TNFRSF4: variants seen among roughly 807,000 people sequenced by gnomAD.
The protein encoded by TNFRSF4 is TNF receptor superfamily member 4.
TNFRSF4 carries 21 observed loss-of-function variants against 29.5 expected under a neutral mutation model. The ratio of observed to expected loss-of-function variants is 0.71; its 90% CI spans 0.51 to 1.03. The LOEUF is 1.03. TNFRSF4 is among the 50% of genes least tolerant of loss of function. TNFRSF4 has a pLI of 0.00. For synonymous variants in TNFRSF4, 197 were observed against 172.7 expected, an observed-to-expected ratio of 1.14 and a Z score of -1.10; for missense variants, 408 against 387.8, an observed-to-expected ratio of 1.05 and a Z score of -0.44.
rs773180013 is a variant in TNFRSF4 at position 1,211,963 on chromosome 1, G to C, written c.613C>G (p.Arg205Gly). 1.3e-6 allele frequency: 2 copies of C among 1,585,376 alleles called. No individual in the cohort carries two copies. The highest frequency in any genetic ancestry group is 1.7e-6 in the Non-Finnish European group (2 of 1,167,102). The change falls in exon 5 of 7, where the codon CGG becomes GGG. Residue 205 changes from arginine to glycine, a missense_variant. Physicochemically the swap from Arg to Gly is moderately radical, Grantham distance 125. Transcript: ENST00000379236. ...WPRTSQGPST[R>G]PVEVPGGRAV... is the part of the protein sequence containing the mutation. Reference sequence around the variant, plus strand: ...TTACCCCCGGGGACCTCCACGGGCCGGGTGGAGGGTCCCTGTGAGGTTCTG... The same window carrying C: ...TTACCCCCGGGGACCTCCACGGGCCCGGTGGAGGGTCCCTGTGAGGTTCTG...
At position 1,212,590 on chromosome 1, in the gene TNFRSF4, ACCCCAACCCCC is replaced by A. The variant is rs772466274; in HGVS notation, c.437+37_437+47del. On this transcript the variant is annotated intron_variant, in intron 4 of 6. Transcript: ENST00000379236. ...CCCCAGCTCCTCCGCCCTCCTAACC[ACCCCAACCCCC>A]CCCCAGCCCCTCCCAGCCCCTGGCC... is the stretch of plus-strand genomic sequence containing the variant. 85 of 678,992 alleles carry A rather than the reference ACCCCAACCCCC, an allele frequency of 1.3e-4. No homozygotes were observed. The South Asian group carries it at 2.0e-3, about 16-fold the overall frequency. The allele number at this position is 678,992 out of a possible 1,614,324, so 42.1% of individuals were successfully genotyped here.
chr1:1,213,520 G>A (rs1399464878), intron 2 of TNFRSF4, 143 bp downstream of exon 2: 1 of 1,463,754 alleles, frequency 6.8e-7, no homozygotes, highest in East Asian at 2.5e-5. Flanking sequence ...CTCCTCGAAG[G>A]ACCCCTGTGG....
Position 1,213,728 on chromosome 1 carries a change from C to G in TNFRSF4, c.203G>C (p.Gly68Ala). The change falls in exon 2 of 7, where the codon GGG becomes GCG. Residue 68 changes from glycine to alanine, a missense_variant. Physicochemically the swap from Gly to Ala is moderately conservative, Grantham distance 60. Coordinates refer to ENST00000379236, the MANE Select transcript of TNFRSF4 (RefSeq NM_003327.4). ...RSQNTVCRPC[G>A]PGFYNDVVSS... Reference sequence around the variant, plus strand: ...GACCACGTCGTTGTAGAAGCCCGGCCCGCACGGACGGCACACCGTGTTCTG... The same window carrying G: ...GACCACGTCGTTGTAGAAGCCCGGCGCGCACGGACGGCACACCGTGTTCTG... The G allele has an allele frequency of 6.2e-7, 1 of 1,601,918 alleles. No individual in the cohort carries two copies. Among genetic ancestry groups the G allele is most frequent in the African/African-American group, 1.3e-5 (1 of 74,894 alleles).
chr1:1,213,306 C>T, intron 2 of TNFRSF4: 1 of 1,524,920 alleles, frequency 6.6e-7, no homozygotes. Flanking sequence ...TCCGTGGCAG[C>T]CCCAGCCACC....
intron 2 of TNFRSF4, 132 bp from the exon 3 acceptor site, chr1:1,213,225 C>T (rs1188772654): frequency 5.2e-6 from 8 of 1,534,828 alleles, no homozygotes; most frequent in Non-Finnish European, 4.4e-6. Flanking sequence ...GCGGCCTCCC[C>T]TGAGACTTGG....
intron 2 of TNFRSF4, 179 bp downstream of exon 2, chr1:1,213,483 AG>A: frequency 6.8e-7 from 1 of 1,474,076 alleles, no homozygotes. Context: ...CCGGAGGGAG[AG>A]GGGGTGCCCC....
At chr1:1,213,307 C>T in intron 2 of TNFRSF4, 1 of 1,525,650 alleles carries the variant, frequency 6.6e-7, no homozygotes, top group Non-Finnish European at 8.8e-7. Flanking sequence ...CCGTGGCAGC[C>T]CCAGCCACCC....
intron 2 of TNFRSF4, chr1:1,213,374 G>A: frequency 6.5e-7 from 1 of 1,531,346 alleles, no homozygotes; most frequent in Non-Finnish European, 8.7e-7. Flanking sequence ...GGGTCTCCAT[G>A]GCCCAACCCC....
rs769195529 is a variant in TNFRSF4, at chr1:1,213,054, T to C, written c.308A>G (p.Gln103Arg). The change falls in exon 3 of 7, where the codon CAG (glutamine) becomes CGG (arginine). Residue 103 changes from glutamine (Q) to arginine (R), a missense_variant. By Grantham distance (43) the Gln-to-Arg change is conservative. Coordinates refer to ENST00000379236, the MANE Select transcript of TNFRSF4 (RefSeq NM_003327.4). ...CGCCCGGCAGCGGCAGACTGTGTCC[T>C]GTGTGGCCGTGCACAGCTGCTTCCG... ...SERKQLCTAT[Q>R]DTVCRCRAGT... 1.7e-5 allele frequency: 28 copies of C among 1,611,156 alleles called. No homozygotes were observed. The highest frequency in any genetic ancestry group is 2.4e-5 in the Non-Finnish European group (28 of 1,179,472).
intron 2 of TNFRSF4, 103 bp from the exon 3 acceptor site, chr1:1,213,196 G>A (rs371866313): frequency 6.5e-7 from 1 of 1,536,556 alleles, no homozygotes; most frequent in South Asian, 1.2e-5. Flanking sequence ...ACCACACAGA[G>A]GGCCGTGGGC....
chr1:1,211,963 G>T lies in TNFRSF4; in HGVS notation c.613C>A (p.Arg205=). 1 of 1,585,374 alleles carries T rather than the reference G, an allele frequency of 6.3e-7. No individual in the cohort carries two copies. The highest frequency in any genetic ancestry group is 8.6e-7 in the Non-Finnish European group (1 of 1,167,102). ...WPRTSQGPST[R]PVEVPGGRAV... ...TTACCCCCGGGGACCTCCACGGGCC[G>T]GGTGGAGGGTCCCTGTGAGGTTCTG... is the stretch of plus-strand genomic sequence containing the variant. Residue 205 remains arginine, a synonymous_variant, in exon 5 of 7, where the codon CGG becomes AGG. Coordinates refer to ENST00000379236, the MANE Select transcript of TNFRSF4 (RefSeq NM_003327.4).
At chr1:1,211,655 G>A in intron 6 of TNFRSF4, 30 bp from the exon 7 acceptor site, 1 of 1,567,278 alleles carries the variant, frequency 6.4e-7, no homozygotes, top group Non-Finnish European at 8.6e-7. Flanking sequence ...AGATTGGTGG[G>A]TGGGCCTCAC....
Position 1,211,422 on chromosome 1 carries a change from A to G in TNFRSF4, c.*133T>C. On this transcript the variant is annotated 3_prime_UTR_variant, in exon 7 of 7. Transcript: ENST00000379236. ...CGTAAGCAGAGAGCCGGAGGCAGCC[A>G]TCGGCACCTAGAACGGTGCAGAGTT... 1 of 854,416 alleles carries G rather than the reference A, an allele frequency of 1.2e-6. No individual in the cohort carries two copies. The highest frequency in any genetic ancestry group is 1.7e-6 in the Non-Finnish European group (1 of 597,766). The allele number at this position is 854,416 out of a possible 1,614,324, so 52.9% of individuals were successfully genotyped here. A position where few individuals can be genotyped will look rare whatever the true frequency, so the allele number is the denominator to read the frequency against.
rs1649104341 is a variant in TNFRSF4 at position 1,211,607 on chromosome 1, G to A, written c.782C>T (p.Thr261Ile). The A allele has an allele frequency of 6.5e-7, 1 of 1,534,102 alleles. No homozygotes were observed. Among genetic ancestry groups the A allele is most frequent in the Non-Finnish European group, 8.8e-7 (1 of 1,142,284 alleles). The change falls in exon 7 of 7, where the codon ACC (threonine) becomes ATC (isoleucine). Residue 261 changes from threonine (T) to isoleucine (I), a missense_variant. Transcript: ENST00000379236. ...GTCGGCCTGCTCCTCTTGGATGGGGGTCCGGAAACTGCCTCCCCCTGGGGA... is the reference window on the plus strand; with the variant it reads ...GTCGGCCTGCTCCTCTTGGATGGGGATCCGGAAACTGCCTCCCCCTGGGGA... ...HKPPGGGSFR[T>I]PIQEEQADAH...
chr1:1,213,033 C>G lies in TNFRSF4; in HGVS notation c.329G>C (p.Arg110Pro), dbSNP rs371978650. The G allele has an allele frequency of 1.2e-6, 2 of 1,611,410 alleles. No individual in the cohort carries two copies. The highest frequency in any genetic ancestry group is 1.7e-5 in the Admixed American group (1 of 59,898). ...TATQDTVCRC[R>P]AGTQPLDSYK... ...GCTGTCCAGGGGCTGGGTGCCCGCCCGGCAGCGGCAGACTGTGTCCTGTGT... is the reference window on the plus strand; with the variant it reads ...GCTGTCCAGGGGCTGGGTGCCCGCCGGGCAGCGGCAGACTGTGTCCTGTGT... Residue 110 changes from arginine to proline, a missense_variant, in exon 3 of 7, where the codon CGG becomes CCG. Physicochemically the swap from Arg to Pro is moderately radical, Grantham distance 103 (BLOSUM62 -2). Coordinates refer to ENST00000379236, the MANE Select transcript of TNFRSF4 (RefSeq NM_003327.4).
At chr1:1,213,334 CGCCTCCA>C (rs1272182229) in intron 2 of TNFRSF4, 22 of 1,527,188 alleles carry the variant, frequency 1.4e-5, no homozygotes, top group Non-Finnish European at 1.8e-5. Context: ...ACCCCTCCAC[CGCCTCCA>C]GCCGCCAGCC....
In TNFRSF4 at chr1:1,214,088, C is replaced by T. The variant is rs2100956904; in HGVS notation, c.40G>A (p.Ala14Thr). The change falls in exon 1 of 7, where the codon GCG becomes ACG. Residue 14 changes from alanine (A) to threonine (T), a missense_variant. Coordinates refer to ENST00000379236, the MANE Select transcript of TNFRSF4 (RefSeq NM_003327.4). The surrounding 1 kb of genome is among the most constrained non-coding windows in gnomAD (Gnocchi z 4.2). ...GARRLGRGPCAALLLLGLGLS... is the reference protein window; with the variant it reads ...GARRLGRGPCTALLLLGLGLS... ...CCCAGGCCCAGGAGGAGCAGAGCCG[C>T]ACACGGCCCGCGGCCCAGCCGCCGA... 6.3e-7 allele frequency: 1 copy of T among 1,589,258 alleles called. No homozygotes were observed. Among genetic ancestry groups the T allele is most frequent in the Non-Finnish European group, 8.5e-7 (1 of 1,172,374 alleles).
Position 1,211,487 on chromosome 1 carries a change from C to T in TNFRSF4, c.*68G>A. 1 of 1,421,754 alleles carries T rather than the reference C, an allele frequency of 7.0e-7. No individual in the cohort carries two copies. The highest frequency in any genetic ancestry group is 1.5e-5 in the African/African-American group (1 of 67,650). 88.1% of individuals were successfully genotyped at this position (1,421,754 alleles called of 1,614,324 possible). A position where few individuals can be genotyped will look rare whatever the true frequency, so the allele number is the denominator to read the frequency against. On this transcript the variant is annotated 3_prime_UTR_variant, in exon 7 of 7. Transcript: ENST00000379236. ...GCGGGGCAGGCGGCCTGCACCTGCC[C>T]TGCTCGCCCAGCAGACCCTCCGGGC...
chr1:1,212,174 A>G (rs1557506166), intron 4 of TNFRSF4, 36 bp from the exon 5 acceptor site: 1 of 1,606,716 alleles, frequency 6.2e-7, no homozygotes, highest in Non-Finnish European at 8.5e-7. Flanking sequence ...CAGGCCAGAA[A>G]CCCCCTGGGA....
Sources: gnomAD v4.1 joint callset for allele counts on GRCh38, gnomAD v4.1.1 for gene constraint, Gnocchi (gnomAD v3.1) non-coding constraint, MANE v1.5 for transcripts, NCBI Gene and HGNC (gene_info 2026-07-23, HGNC 2026-07-21) for gene names.